The following SRP54 variants were observed in gnomAD, a reference collection of about 807,000 sequenced individuals.
SRP54 encodes signal recognition particle subunit SRP54.
SRP54 carries 10 observed loss-of-function variants against 64.8 expected under a neutral mutation model. The observed-to-expected ratio is 0.15, with a 90% confidence interval of 0.10 to 0.26. SRP54 has a LOEUF of 0.26. SRP54 is among the 10% of genes least tolerant of loss of function. SRP54 has a pLI of 1.00. For synonymous variants in SRP54, 193 were observed against 185.6 expected, an observed-to-expected ratio of 1.04 and a Z score of -0.32; for missense variants, 325 against 613.7, an observed-to-expected ratio of 0.53 and a Z score of 4.97.
At chr14:34,991,127 T>TTTTG (rs1555352960) in intron 1 of SRP54, among the ~76,000 whole-genome samples, 4,804 of 122,732 alleles carry the variant, frequency 0.039, 73 homozygotes, top group Non-Finnish European at 0.065. Context: ...TTTTTTTTTT[T>TTTTG]TTGTTGTTGT....
intron 1 of SRP54, among the ~76,000 whole-genome samples, chr14:34,987,283 A>ATG: frequency 8.1e-6 from 1 of 123,954 alleles, no homozygotes; most frequent in South Asian, 2.7e-4. Flanking sequence ...GTGTATATAT[A>ATG]TATACACACA....
chr14:34,993,918 C>A (rs974658153), intron 1 of SRP54, among the ~76,000 whole-genome samples: 3 of 152,088 alleles, frequency 2.0e-5, no homozygotes, highest in African/African-American at 7.2e-5. Context: ...TGGTCTCGAA[C>A]TCCCAACCTC....
At chr14:35,019,662 C>G (rs1431331186) in intron 13 of SRP54, among the ~76,000 whole-genome samples, 1 of 152,184 alleles carries the variant, frequency 6.6e-6, no homozygotes, top group Non-Finnish European at 1.5e-5. Context: ...TCTCAGTATA[C>G]TGCTCTGTTC....
intron 3 of SRP54, among the ~76,000 whole-genome samples, chr14:35,000,542 G>A (rs2044153449): frequency 6.7e-6 from 1 of 149,802 alleles, no homozygotes; most frequent in Non-Finnish European, 1.5e-5. Flanking sequence ...ACTCCATCCT[G>A]GCTGATAGTG....
chr14:34,988,304 C>T (rs1027785067), intron 1 of SRP54, among the ~76,000 whole-genome samples: 2 of 151,546 alleles, frequency 1.3e-5, no homozygotes, highest in African/African-American at 4.8e-5. Flanking sequence ...TGGTTCACGC[C>T]TGTAATCCTA....
chr14:34,996,998 A>C (rs1307059277), intron 2 of SRP54: 1 of 364,048 alleles, frequency 2.7e-6, no homozygotes, highest in African/African-American at 2.1e-5. Context: ...AGAATTTTCC[A>C]AAAAAAAATC....
intron 4 of SRP54, 82 bp from the exon 5 acceptor site, chr14:35,007,201 G>GA (rs921501443): frequency 9.3e-5 from 85 of 916,780 alleles, no homozygotes; most frequent in South Asian, 1.3e-4. Flanking sequence ...CTCAAAAAAG[G>GA]AAAAAAAAGT....
intron 1 of SRP54, among the ~76,000 whole-genome samples, chr14:34,992,271 A>G (rs149838887): frequency 1.3e-5 from 2 of 152,052 alleles, no homozygotes; most frequent in East Asian, 1.9e-4. Context: ...ATATGTATTC[A>G]TGTATTATAT....
intron 14 of SRP54, 88 bp downstream of exon 14, chr14:35,023,168 A>T: frequency 9.2e-7 from 1 of 1,089,072 alleles, no homozygotes; most frequent in South Asian, 1.6e-5. Flanking sequence ...GAAAATTCAC[A>T]GCTGAATTTC....
intron 1 of SRP54, among the ~76,000 whole-genome samples, chr14:34,990,713 T>C (rs2043963371): frequency 6.6e-6 from 1 of 152,240 alleles, no homozygotes; most frequent in South Asian, 2.1e-4. Context: ...TTTTTCACTT[T>C]AGTGTACATA....
chr14:34,992,264 T>C (rs980293724), intron 1 of SRP54, among the ~76,000 whole-genome samples: 2 of 151,928 alleles, frequency 1.3e-5, no homozygotes, highest in Non-Finnish European at 2.9e-5. Context: ...TAAAACTATA[T>C]GTATTCATGT....
In SRP54 at chr14:35,023,066, A is replaced by G; in HGVS notation, c.1313A>G (p.Lys438Arg). Residue 438 changes from lysine to arginine, a missense_variant, in exon 14 of 16, where the codon AAA (lysine) becomes AGA (arginine). Lys to Arg is a conservative substitution (Grantham distance 26, BLOSUM62 2). This residue lies in a region of SRP54 where 146 missense variants were observed against 337.4 expected (regional missense o/e 0.43). Transcript: ENST00000216774. ...ATGGTAAAAAAGATGGGAGGTATCAAAGGACTTTTCAAAGGTAAGAAAAAT... is the reference window on the plus strand; with the variant it reads ...ATGGTAAAAAAGATGGGAGGTATCAGAGGACTTTTCAAAGGTAAGAAAAAT... The part of the protein sequence containing the change: ...AQMVKKMGGI[K>R]GLFKGGDMSK... 1.2e-6 allele frequency: 2 copies of G among 1,607,402 alleles called. No individual in the cohort carries two copies. Among genetic ancestry groups the G allele is most frequent in the Non-Finnish European group, 1.7e-6 (2 of 1,176,714 alleles).
intron 11 of SRP54, among the ~76,000 whole-genome samples, chr14:35,016,076 A>G (rs572031035): frequency 1.3e-5 from 2 of 152,216 alleles, no homozygotes; most frequent in African/African-American, 4.8e-5. Flanking sequence ...TAACTAGTCC[A>G]AGTGTTTCCA....
intron 10 of SRP54, among the ~76,000 whole-genome samples, chr14:35,014,275 C>CTTTTTTTTTTTTTTTT (rs1269464538): frequency 9.8e-6 from 1 of 102,210 alleles, no homozygotes; most frequent in Admixed American, 1.1e-4. Flanking sequence ...TGCCACTTAA[C>CTTTTTTTTTTTTTTTT]TTTTTTTTTT....
intron 1 of SRP54, among the ~76,000 whole-genome samples, chr14:34,987,286 TACAC>T (rs374149631): frequency 1.2e-4 from 12 of 100,094 alleles, no homozygotes; most frequent in South Asian, 7.1e-4. Context: ...TATATATATA[TACAC>T]ACACACACAC....
chr14:35,026,234 G>A (rs2044621987), intron 14 of SRP54, among the ~76,000 whole-genome samples: 1 of 147,414 alleles, frequency 6.8e-6, no homozygotes, highest in Admixed American at 6.9e-5. Flanking sequence ...GTTTTGTTTT[G>A]TTTTGAGACA....
At chr14:35,028,675 ATTTTCTTTTTG>A (rs2044673490) in intron 15 of SRP54, among the ~76,000 whole-genome samples, 2 of 152,160 alleles carry the variant, frequency 1.3e-5, no homozygotes, top group Non-Finnish European at 2.9e-5. Context: ...TAAATGAATT[ATTTTCTTTTTG>A]TAAGTCCTAT....
chr14:35,001,091 T>C, intron 4 of SRP54, 71 bp downstream of exon 4: 1 of 610,542 alleles, frequency 1.6e-6, no homozygotes, highest in Non-Finnish European at 2.6e-6. Context: ...CTACAAATAT[T>C]TCAGAATTTT....
chr14:34,994,946 T>G (rs1181982972), intron 1 of SRP54, among the ~76,000 whole-genome samples: 1 of 147,652 alleles, frequency 6.8e-6, no homozygotes, highest in African/African-American at 2.5e-5. Context: ...TTTTTTTTTT[T>G]TTTTTTTTTT....
Sources: allele counts gnomAD v4.1 joint callset (sites outside exome capture counted in the v4.1 genomes callset), GRCh38; gene constraint gnomAD v4.1.1; regional missense constraint gnomAD v4.1.1; transcripts MANE v1.5; gene names NCBI Gene and HGNC (gene_info 2026-07-23, HGNC 2026-07-21).